KLHL32: variants seen among roughly 807,000 people sequenced by gnomAD.
KLHL32 encodes kelch-like protein 32.
A neutral mutation model predicts 64.8 loss-of-function variants in KLHL32; 35 were observed. The ratio of observed to expected loss-of-function variants is 0.54; its 90% CI spans 0.41 to 0.72. The LOEUF (loss-of-function observed/expected upper bound fraction) is 0.72, where lower values mean the gene tolerates loss of function less well. Ranked by LOEUF, KLHL32 falls within the 30% of genes least tolerant of loss-of-function variation. The probability of loss-of-function intolerance (pLI) is 0.00; values close to 1 mark genes in which losing one functional copy is unlikely to be tolerated. For missense variants in KLHL32, 589 were observed against 768.5 expected, an observed-to-expected ratio of 0.77 and a Z score of 2.76; for synonymous variants, 259 against 281.0, an observed-to-expected ratio of 0.92 and a Z score of 0.78.
intron 3 of KLHL32, among the ~76,000 whole-genome samples, chr6:97,023,268 G>A (rs1204690904): frequency 6.6e-6 from 1 of 152,136 alleles, no homozygotes; most frequent in African/African-American, 2.4e-5. Context: ...GCATAGGACT[G>A]GTTAGCAAAA....
chr6:97,129,839 T>A (rs1289615722), intron 8 of KLHL32, among the ~76,000 whole-genome samples: 1 of 152,096 alleles, frequency 6.6e-6, no homozygotes, highest in Non-Finnish European at 1.5e-5. Flanking sequence ...GCCGAGATCA[T>A]GTCACTGCAC....
At chr6:96,911,108 T>TG in the KLHL32 span, among the ~76,000 whole-genome samples, 1 of 152,276 alleles carries the variant, frequency 6.6e-6, no homozygotes, top group East Asian at 1.9e-4. Context: ...TACCACAAAC[T>TG]GGGGGGTTTA....
At chr6:97,087,706 C>T (rs910210664) in intron 6 of KLHL32, among the ~76,000 whole-genome samples, 9 of 152,144 alleles carry the variant, frequency 5.9e-5, no homozygotes, top group Non-Finnish European at 1.2e-4. Context: ...CACACACTTA[C>T]GCAGGTGGCT....
chr6:97,043,900 A>C (rs186145105), intron 4 of KLHL32, among the ~76,000 whole-genome samples: 2 of 150,626 alleles, frequency 1.3e-5, no homozygotes, highest in Admixed American at 6.6e-5. Context: ...TGGGTTATTT[A>C]TTTTCTCATC....
At chr6:97,081,170 G>A (rs1477148103) in intron 5 of KLHL32, among the ~76,000 whole-genome samples, 7 of 152,144 alleles carry the variant, frequency 4.6e-5, no homozygotes, top group Non-Finnish European at 8.8e-5. Context: ...GAAGGAGTGA[G>A]GGGGGAAAAG....
At chr6:96,913,900 A>G in the KLHL32 span, among the ~76,000 whole-genome samples, 27 of 152,314 alleles carry the variant, frequency 1.8e-4, no homozygotes, top group Admixed American at 1.4e-3. Context: ...TTACCTGACA[A>G]AGGAGAATTA....
At chr6:97,066,646 A>T (rs1789796885) in intron 5 of KLHL32, among the ~76,000 whole-genome samples, 2 of 152,182 alleles carry the variant, frequency 1.3e-5, no homozygotes, top group South Asian at 4.1e-4. Context: ...GGAAATTTTG[A>T]CTATATGAGT....
intron 7 of KLHL32, among the ~76,000 whole-genome samples, chr6:97,117,785 C>CT (rs1401515054): frequency 1.3e-5 from 2 of 152,196 alleles, no homozygotes; most frequent in Admixed American, 6.5e-5. Flanking sequence ...TAAAAAGAAC[C>CT]TTTTTTTGTG....
intron 4 of KLHL32, among the ~76,000 whole-genome samples, chr6:97,055,553 T>G (rs1787658607): frequency 6.6e-6 from 1 of 152,080 alleles, no homozygotes; most frequent in African/African-American, 2.4e-5. Flanking sequence ...ATCCCAGCAC[T>G]TTGGGAGGCC....
intron 3 of KLHL32, among the ~76,000 whole-genome samples, chr6:96,994,333 G>T (rs1038800639): frequency 6.6e-6 from 1 of 152,292 alleles, no homozygotes; most frequent in African/African-American, 2.4e-5. Flanking sequence ...TTAAGGGAAT[G>T]AAGAAATGTT....
intron 6 of KLHL32, among the ~76,000 whole-genome samples, chr6:97,093,976 G>A (rs1794620955): frequency 1.3e-5 from 2 of 152,150 alleles, no homozygotes; most frequent in Non-Finnish European, 2.9e-5. Flanking sequence ...GAGATTGGAT[G>A]GAACAAATGG....
chr6:96,956,329 A>G (rs1379244326), intron 1 of KLHL32, among the ~76,000 whole-genome samples: 1 of 152,216 alleles, frequency 6.6e-6, no homozygotes, highest in African/African-American at 2.4e-5. Flanking sequence ...ATGTGGAGAA[A>G]TGTAGTAACT....
intron 1 of KLHL32, among the ~76,000 whole-genome samples, chr6:96,948,142 G>A (rs995557944): frequency 2.6e-5 from 4 of 152,138 alleles, no homozygotes; most frequent in African/African-American, 9.7e-5. Context: ...TTGCTCTCTG[G>A]AAAATCCCTG....
At chr6:96,898,392 T>C in the KLHL32 span, among the ~76,000 whole-genome samples, 1 of 152,220 alleles carries the variant, frequency 6.6e-6, no homozygotes, top group African/African-American at 2.4e-5. Flanking sequence ...GGATGTTCCC[T>C]TTCGATGAGT....
intron 3 of KLHL32, among the ~76,000 whole-genome samples, chr6:96,997,245 T>C (rs6919853): frequency 0.086 from 13,085 of 152,132 alleles, 1,196 homozygotes; most frequent in Admixed American, 0.22. Flanking sequence ...TTTTCCTTTC[T>C]GATGTTTGTA....
upstream of KLHL32, among the ~76,000 whole-genome samples, chr6:96,923,150 TATTTA>T (rs1768809404): frequency 6.6e-6 from 1 of 152,220 alleles, no homozygotes; most frequent in South Asian, 2.1e-4. Flanking sequence ...GTCTTTGCTC[TATTTA>T]ATTATACTAA....
intron 3 of KLHL32, among the ~76,000 whole-genome samples, chr6:97,023,266 C>T (rs538464348): frequency 5.5e-4 from 83 of 152,250 alleles, no homozygotes; most frequent in African/African-American, 1.9e-3. Flanking sequence ...AGGCATAGGA[C>T]TGGTTAGCAA....
At chr6:97,128,607 T>A (rs1413716282) in intron 8 of KLHL32, among the ~76,000 whole-genome samples, 1 of 152,248 alleles carries the variant, frequency 6.6e-6, no homozygotes, top group African/African-American at 2.4e-5. Context: ...CTTATTTCTC[T>A]TCTAGGCCTT....
chr6:96,976,916 C>T (rs1775764843), intron 3 of KLHL32, among the ~76,000 whole-genome samples: 1 of 152,110 alleles, frequency 6.6e-6, no homozygotes, highest in African/African-American at 2.4e-5. Context: ...ACTCTTAATG[C>T]TTTCTAATTA....
Sources: allele counts gnomAD v4.1 joint callset (sites outside exome capture counted in the v4.1 genomes callset), GRCh38; gene constraint gnomAD v4.1.1; transcripts MANE v1.5; gene names NCBI Gene and HGNC (gene_info 2026-07-23, HGNC 2026-07-21).